UST: variants seen among roughly 807,000 people sequenced by gnomAD.
UST encodes the protein chondroitin sulfate 2-O-sulfotransferase.
UST carries 21 observed loss-of-function variants against 45.6 expected under a neutral mutation model. That is an observed-to-expected ratio of 0.46 (90% CI 0.33 to 0.66). UST has a LOEUF of 0.66. UST is among the 30% of genes least tolerant of loss of function. The probability of loss-of-function intolerance (pLI) is 0.02; values close to 1 mark genes in which losing one functional copy is unlikely to be tolerated. For synonymous variants in UST, 215 were observed against 200.6 expected (o/e 1.07, Z -0.61); for missense variants, 463 against 512.4 (o/e 0.90, Z 0.93).
intron 2 of UST, among the ~76,000 whole-genome samples, chr6:148,894,178 G>A (rs557269861): frequency 1.1e-4 from 17 of 152,284 alleles, no homozygotes; most frequent in Admixed American, 3.9e-4. Context: ...CCATGTCTAC[G>A]TAATTGTGTA....
intron 5 of UST, among the ~76,000 whole-genome samples, chr6:148,982,412 T>C (rs1470511666): frequency 1.3e-5 from 2 of 152,148 alleles, no homozygotes; most frequent in Non-Finnish European, 2.9e-5. Flanking sequence ...CAAGCCCTTT[T>C]GTAAGGCCAC....
chr6:148,836,780 G>T (rs1231790698), intron 1 of UST, among the ~76,000 whole-genome samples: 1 of 152,156 alleles, frequency 6.6e-6, no homozygotes, highest in East Asian at 1.9e-4. Flanking sequence ...GGGTTGGATG[G>T]TCCAGGAGTA....
At chr6:148,977,718 C>T (rs1000704605) in intron 5 of UST, among the ~76,000 whole-genome samples, 1 of 141,378 alleles carries the variant, frequency 7.1e-6, no homozygotes, top group Non-Finnish European at 1.5e-5. Flanking sequence ...CGCCACTGTA[C>T]TCCAGCCTGG....
chr6:148,988,573 C>CAAAAAAAAAAAAAAAAA (rs760248567), intron 5 of UST, among the ~76,000 whole-genome samples: 1 of 86,914 alleles, frequency 1.2e-5, no homozygotes, highest in Non-Finnish European at 2.2e-5. Context: ...GACCCTGTCT[C>CAAAAAAAAAAAAAAAAA]AAAAAAAAAA....
chr6:149,024,011 C>T (rs190465156), intron 7 of UST, among the ~76,000 whole-genome samples: 33 of 152,322 alleles, frequency 2.2e-4, no homozygotes, highest in African/African-American at 6.3e-4. Context: ...CAGAGTTTGG[C>T]ATAGTAAATA....
At chr6:149,061,276 G>C (rs1776651796) in intron 7 of UST, among the ~76,000 whole-genome samples, 1 of 152,106 alleles carries the variant, frequency 6.6e-6, no homozygotes, top group Non-Finnish European at 1.5e-5. Context: ...GTGGGAAGTG[G>C]GACTCCCAGG....
At chr6:148,785,055 C>T (rs6570902) in intron 1 of UST, among the ~76,000 whole-genome samples, 114,599 of 152,094 alleles carry the variant, frequency 0.75, 43,212 homozygotes, top group Middle Eastern at 0.88. Flanking sequence ...CTGAAATACA[C>T]GCCGGCTTGG....
At chr6:149,024,455 A>T (rs1001633080) in intron 7 of UST, among the ~76,000 whole-genome samples, 2 of 152,168 alleles carry the variant, frequency 1.3e-5, no homozygotes, top group African/African-American at 4.8e-5. Flanking sequence ...TCTTCTTGTG[A>T]TATGTTTCTA....
chr6:148,821,439 A>G (rs914575778), intron 1 of UST, among the ~76,000 whole-genome samples: 16 of 152,232 alleles, frequency 1.1e-4, no homozygotes, highest in South Asian at 4.1e-4. Context: ...GTTAGCAAGT[A>G]CGTGAGGCTG....
intron 5 of UST, among the ~76,000 whole-genome samples, chr6:148,979,294 A>G (rs1781082619): frequency 6.6e-6 from 1 of 152,208 alleles, no homozygotes; most frequent in Admixed American, 6.5e-5. Context: ...GCAGACTAGA[A>G]CCATAATTCA....
At chr6:148,866,035 A>G (rs1778422865) in intron 1 of UST, among the ~76,000 whole-genome samples, 1 of 151,750 alleles carries the variant, frequency 6.6e-6, no homozygotes, top group Non-Finnish European at 1.5e-5. Flanking sequence ...GTGTGTATGT[A>G]TATATATATA....
At chr6:148,925,914 C>T (rs1309698952) in intron 2 of UST, among the ~76,000 whole-genome samples, 1 of 152,238 alleles carries the variant, frequency 6.6e-6, no homozygotes, top group Non-Finnish European at 1.5e-5. Flanking sequence ...AGACCACATA[C>T]ATTCACAGAA....
intron 1 of UST, among the ~76,000 whole-genome samples, chr6:148,787,041 C>T (rs1457131942): frequency 6.6e-6 from 1 of 151,992 alleles, no homozygotes; most frequent in Non-Finnish European, 1.5e-5. Context: ...ATGTCCTTTG[C>T]CTGCTTTTAA....
At chr6:149,032,191 G>A (rs1776155417) in intron 7 of UST, among the ~76,000 whole-genome samples, 1 of 152,184 alleles carries the variant, frequency 6.6e-6, no homozygotes, top group Non-Finnish European at 1.5e-5. Context: ...CCAAGCCGCT[G>A]CTGCCGGAGG....
At chr6:148,795,734 C>G (rs538468184) in intron 1 of UST, among the ~76,000 whole-genome samples, 1 of 152,242 alleles carries the variant, frequency 6.6e-6, no homozygotes, top group South Asian at 2.1e-4. Context: ...TTTTTGCCTT[C>G]TAACAGACCT....
chr6:148,860,148 GT>G (rs1778282603), intron 1 of UST, among the ~76,000 whole-genome samples: 1 of 152,160 alleles, frequency 6.6e-6, no homozygotes, highest in African/African-American at 2.4e-5. Flanking sequence ...TCTTCCATTT[GT>G]TTGTGTCCTC....
rs1446663893 is a variant in UST, at chr6:148,846,111, G to T, written c.248-40875G>T. 4.0e-5 allele frequency among the ~76,000 whole-genome samples: 6 copies of T among 150,722 alleles called. No homozygotes were observed. The East Asian group carries it at 1.2e-3, about 29-fold the overall frequency. On this transcript the variant is annotated intron_variant, in intron 1 of 7. Coordinates refer to ENST00000367463, the MANE Select transcript of UST (RefSeq NM_005715.3). ...CCCATTACTGGGTATATACCCAAAG[G>T]ACTACAAATCATGCTGCTATAAAGA... is the stretch of plus-strand genomic sequence containing the variant.
intron 1 of UST, among the ~76,000 whole-genome samples, chr6:148,821,593 A>G (rs1777467198): frequency 6.6e-6 from 1 of 152,234 alleles, no homozygotes; most frequent in Non-Finnish European, 1.5e-5. Flanking sequence ...AGGAGCCACT[A>G]AAAACTATGT....
intron 2 of UST, among the ~76,000 whole-genome samples, chr6:148,895,503 G>A (rs898149162): frequency 3.9e-5 from 6 of 152,162 alleles, no homozygotes; most frequent in South Asian, 2.1e-4. Flanking sequence ...CTAACTAACC[G>A]TTAGGCTAAC....
Sources: gnomAD v4.1 joint callset for allele counts (sites outside exome capture counted in the v4.1 genomes callset) on GRCh38, gnomAD v4.1.1 for gene constraint, MANE v1.5 for transcripts, NCBI Gene and HGNC (gene_info 2026-07-23, HGNC 2026-07-21) for gene names.